Variants in DCTN1 observed in about 807,000 individuals in gnomAD.
DCTN1 encodes 150 kDa dynein-associated polypeptide.
A neutral mutation model predicts 161.2 loss-of-function variants in DCTN1; 61 were observed. The ratio of observed to expected loss-of-function variants is 0.38; its 90% CI spans 0.31 to 0.47. The LOEUF is 0.47. DCTN1 is among the 20% of genes least tolerant of loss of function. The probability of loss-of-function intolerance (pLI) is 0.99; values close to 1 mark genes in which losing one functional copy is unlikely to be tolerated. For synonymous variants in DCTN1, 653 were observed against 632.4 expected, an observed-to-expected ratio of 1.03 and a Z score of -0.49; for missense variants, 1,404 against 1,623.7, an observed-to-expected ratio of 0.86 and a Z score of 2.33.
At chr2:74,367,481 A>T in intron 18 of DCTN1, 61 bp from the exon 19 acceptor site, 1 of 1,593,264 alleles carries the variant, frequency 6.3e-7, no homozygotes, top group South Asian at 1.1e-5. Flanking sequence ...AGTTCTTCCC[A>T]AACTGTAGTT....
In DCTN1 at chr2:74,362,053, C is replaced by A; in HGVS notation, c.3698G>T (p.Arg1233Met). The change falls in exon 31 of 32, where the codon AGG (arginine) becomes ATG (methionine). Residue 1233 changes from arginine to methionine, a missense_variant and splice_region_variant. By Grantham distance (91) the Arg-to-Met change is moderately conservative. This residue lies in a region of DCTN1 where 311 missense variants were observed against 298.9 expected (regional missense o/e 1.04). Coordinates refer to ENST00000628224, the MANE Select transcript of DCTN1 (RefSeq NM_004082.5). ...FATFPSSAFL[R>M]AKEEQQDDTV... ...CCTCCACCCCATGCTCCCCCTCACC[C>A]TGAGGAAGGCTGATGAAGGGAAGGT... 6.2e-7 allele frequency: 1 copy of A among 1,613,726 alleles called. No homozygotes were observed. Among genetic ancestry groups the A allele is most frequent in the Non-Finnish European group, 8.5e-7 (1 of 1,179,814 alleles).
Position 74,376,741 on chromosome 2 carries a change from C to T in DCTN1, c.414+1G>A, listed in dbSNP as rs576198476. On this transcript the variant is annotated splice_donor_variant, in intron 5 of 31. Transcript: ENST00000628224. LOFTEE classifies it high-confidence loss of function. ...CCAGGCACAAATAGTAAACACACCA[C>T]CTTCTTAGGCTTCAGTCCCCGCTGC... 6.2e-5 allele frequency: 100 copies of T among 1,604,832 alleles called. 1 individual carries two copies. Among genetic ancestry groups the T allele is most frequent in the Admixed American group, 4.1e-4 (24 of 58,686 alleles).
chr2:74,371,724 G>A lies in DCTN1; in HGVS notation c.458C>T (p.Thr153Met), dbSNP rs1052858105. The A allele has an allele frequency of 1.2e-5, 20 of 1,607,608 alleles. No homozygotes were observed. The highest frequency in any genetic ancestry group is 4.5e-5 in the East Asian group (2 of 44,710). Residue 153 changes from threonine to methionine, a missense_variant, in exon 8 of 32, where the codon ACG becomes ATG. By Grantham distance (81) the Thr-to-Met change is moderately conservative (BLOSUM62 -1). Coordinates refer to ENST00000628224, the MANE Select transcript of DCTN1 (RefSeq NM_004082.5). ...AGCCACCCCAGTACTGGCTGGGCGC[G>A]TGGGCTATTCAGAAAGGGTAGAGGC... ...RKTTTRRPKP[T>M]RPASTGVAGA...
intron 1 of DCTN1, 37 bp downstream of exon 1, chr2:74,379,968 C>T (rs367944556): frequency 4.4e-6 from 7 of 1,609,034 alleles, no homozygotes; most frequent in Non-Finnish European, 4.3e-6. Context: ...CCTTCCCCAG[C>T]AGCCCTCCAG....
At chr2:74,379,132 C>T (rs1007589527) in intron 1 of DCTN1, among the ~76,000 whole-genome samples, 9 of 152,140 alleles carry the variant, frequency 5.9e-5, no homozygotes, top group Non-Finnish European at 8.8e-5. Context: ...CTCTTAGCTT[C>T]GGCACACCCA....
chr2:74,364,713 G>A (rs1189440755), intron 26 of DCTN1: 1 of 363,460 alleles, frequency 2.8e-6, no homozygotes, highest in Non-Finnish European at 5.3e-6. Context: ...TATCGGGCAG[G>A]GCTGGATGCC....
At chr2:74,391,498 G>C (rs1029491558) in intron 1 of DCTN1, 2 of 307,016 alleles carry the variant, frequency 6.5e-6, no homozygotes, top group African/African-American at 4.7e-5. Context: ...GCTCAGTATG[G>C]ATTCAGGGGC....
At chr2:74,363,515 C>G in intron 27 of DCTN1, 88 bp from the exon 28 acceptor site, 1 of 1,596,880 alleles carries the variant, frequency 6.3e-7, no homozygotes, top group Non-Finnish European at 8.5e-7. Flanking sequence ...TTCCTCATCC[C>G]CCCATCACCC....
chr2:74,380,121 G>T lies in DCTN1; in HGVS notation c.-84C>A. 3 of 1,484,818 alleles carry T rather than the reference G, an allele frequency of 2.0e-6. No homozygotes were observed. Among genetic ancestry groups the T allele is most frequent in the Non-Finnish European group, 2.8e-6 (3 of 1,068,496 alleles). 92.0% of individuals were successfully genotyped at this position (1,484,818 alleles called of 1,614,324 possible). ...GAAACCTAGGCAGGAGGGTCAGGGCGCTGGGCCCTCATAGAGGGACACAGG... is the reference window on the plus strand; with the variant it reads ...GAAACCTAGGCAGGAGGGTCAGGGCTCTGGGCCCTCATAGAGGGACACAGG... On this transcript the variant is annotated 5_prime_UTR_variant, in exon 1 of 32. Coordinates refer to ENST00000628224, the MANE Select transcript of DCTN1 (RefSeq NM_004082.5).
At position 74,361,512 on chromosome 2, in the gene DCTN1, C is replaced by T. The variant is rs560344779; in HGVS notation, c.3824G>A (p.Arg1275His). ...GGAAAGGAGTGCTTAGGAGATGAGG[C>T]GACTGTGAAGCTGGTGCAGCTGCTC... ...TQEQLHQLHS[R>H]LIS is the part of the protein sequence containing the mutation. The change falls in exon 32 of 32, where the codon CGC becomes CAC. Residue 1275 changes from arginine to histidine, a missense_variant. Coordinates refer to ENST00000628224, the MANE Select transcript of DCTN1 (RefSeq NM_004082.5). The T allele has an allele frequency of 1.9e-5, 30 of 1,613,950 alleles. No individual in the cohort carries two copies. Among genetic ancestry groups the T allele is most frequent in the African/African-American group, 2.7e-5 (2 of 74,908 alleles).
Sources: gnomAD v4.1 joint callset for allele counts (sites outside exome capture counted in the v4.1 genomes callset) on GRCh38, gnomAD v4.1.1 for gene constraint, gnomAD v4.1.1 regional missense constraint, MANE v1.5 for transcripts, NCBI Gene and HGNC (gene_info 2026-07-23, HGNC 2026-07-21) for gene names.